The following MCIDAS variants were observed in gnomAD, a reference collection of about 807,000 sequenced individuals.
MCIDAS encodes multiciliate differentiation and DNA synthesis associated cell cycle protein.
MCIDAS carries 23 observed loss-of-function variants against 35.4 expected under a neutral mutation model. The ratio of observed to expected loss-of-function variants is 0.65; its 90% confidence interval spans 0.47 to 0.92. The LOEUF (loss-of-function observed/expected upper bound fraction) is 0.92, where lower values mean the gene tolerates loss of function less well. Among genes scored for constraint, MCIDAS ranks in the 40% least tolerant of loss-of-function variants. The probability of loss-of-function intolerance (pLI) is 0.00; values close to 1 mark genes in which losing one functional copy is unlikely to be tolerated. For synonymous variants in MCIDAS, 228 were observed against 235.2 expected, an observed-to-expected ratio of 0.97 and a Z score of 0.28; for missense variants, 480 against 531.8, an observed-to-expected ratio of 0.90 and a Z score of 0.96.
At position 55,223,253 on chromosome 5, in the gene MCIDAS, T is replaced by A. The variant is rs988346163; in HGVS notation, c.310-230A>T. Among the ~76,000 whole-genome samples, 8 of 150,614 alleles carry A rather than the reference T, an allele frequency of 5.3e-5. No individual in the cohort carries two copies. Among genetic ancestry groups the A allele is most frequent in the African/African-American group, 2.0e-4 (8 of 40,690 alleles). On this transcript the variant is annotated intron_variant, in intron 3 of 6. Transcript: ENST00000513312. The surrounding 1 kb of genome is among the most constrained non-coding windows in gnomAD (Gnocchi z 4.4). The stretch of plus-strand genomic sequence containing the variant: ...GGGCTCGGCGGCGGTCTGCTCGCAC[T>A]TACGTCGCCAGCCCAGTCTCGTACC...
chr5:55,221,213 C>A, intron 5 of MCIDAS, 87 bp from the exon 6 acceptor site: 1 of 849,090 alleles, frequency 1.2e-6, no homozygotes, highest in South Asian at 1.7e-5. Flanking sequence ...CAGATCCTGA[C>A]GTCTCATCAG....
At chr5:55,225,505 C>A (rs563714164) in intron 3 of MCIDAS, among the ~76,000 whole-genome samples, 31 of 152,330 alleles carry the variant, frequency 2.0e-4, no homozygotes, top group African/African-American at 7.5e-4. Flanking sequence ...AATTAAATGT[C>A]CTCTGCAGTG....
At chr5:55,226,220 C>T (rs1745451032) in intron 3 of MCIDAS, among the ~76,000 whole-genome samples, 1 of 152,112 alleles carries the variant, frequency 6.6e-6, no homozygotes, top group Non-Finnish European at 1.5e-5. Flanking sequence ...AGGAATGCAA[C>T]AGGTTCCCAG....
At chr5:55,222,853 T>A in intron 4 of MCIDAS, 98 bp downstream of exon 4, 3 of 1,044,012 alleles carry the variant, frequency 2.9e-6, no homozygotes, top group Non-Finnish European at 2.8e-6. Flanking sequence ...GACAGTTGGC[T>A]GGGTTTACCA....
chr5:55,224,106 C>G (rs1745413949), intron 3 of MCIDAS, among the ~76,000 whole-genome samples: 1 of 152,096 alleles, frequency 6.6e-6, no homozygotes, highest in Non-Finnish European at 1.5e-5. Context: ...GAGAGTTACC[C>G]AGTCACCCAG....
At position 55,222,250 on chromosome 5, in the gene MCIDAS, G is replaced by A. The variant is rs1180974088; in HGVS notation, c.532C>T (p.Pro178Ser). 2.0e-6 allele frequency: 3 copies of A among 1,536,016 alleles called. No individual in the cohort carries two copies. Among genetic ancestry groups the A allele is most frequent in the Non-Finnish European group, 1.7e-6 (2 of 1,146,910 alleles). The change falls in exon 5 of 7, where the codon CCT (proline) becomes TCT (serine). Residue 178 changes from proline (P) to serine (S), a missense_variant. Physicochemically the swap from Pro to Ser is moderately conservative, Grantham distance 74. Coordinates refer to ENST00000513312, the MANE Select transcript of MCIDAS (RefSeq NM_001190787.3). ...GCCACCTCCTTCCAGTATTGCTCAGGCGGGGGCACGTCTGGAGGGCGCAGC... is the reference window on the plus strand; with the variant it reads ...GCCACCTCCTTCCAGTATTGCTCAGACGGGGGCACGTCTGGAGGGCGCAGC... ...PPLRPPDVPP[P>S]EQYWKEVADQ...
At position 55,225,662 on chromosome 5, in the gene MCIDAS, TG is replaced by T. The variant is rs150195604; in HGVS notation, c.309+913del. On this transcript the variant is annotated intron_variant, in intron 3 of 6. Coordinates refer to ENST00000513312, the MANE Select transcript of MCIDAS (RefSeq NM_001190787.3). ...CACCAGCACTCCCAGTTCTGGGAGG[TG>T]GTCAATTCTTTGTAGAGTTCCATAC... 3.9e-3 allele frequency among the ~76,000 whole-genome samples: 592 copies of T among 152,066 alleles called. 4 individuals are homozygous for T. Among genetic ancestry groups the T allele is most frequent in the African/African-American group, 0.014 (567 of 41,482 alleles).
chr5:55,220,786 G>A lies in MCIDAS; in HGVS notation c.738C>T (p.Ser246=), dbSNP rs1308403025. ...GCTCGGCCGCCGCCCCACAATCCCGGGACTGTGTGATCATCAGCTTCTACG... is the reference window on the plus strand; with the variant it reads ...GCTCGGCCGCCGCCCCACAATCCCGAGACTGTGTGATCATCAGCTTCTACG... The part of the protein sequence containing the change: ...SVLDKLMITQ[S]RDCGAAAEPF... The change falls in exon 7 of 7, where the codon TCC becomes TCT. Residue 246 remains serine, a synonymous_variant. Transcript: ENST00000513312. 6.5e-7 allele frequency: 1 copy of A among 1,530,170 alleles called. No homozygotes were observed. The highest frequency in any genetic ancestry group is 8.8e-7 in the Non-Finnish European group (1 of 1,142,380). The allele number at this position is 1,530,170 out of a possible 1,614,324, so 94.8% of individuals were successfully genotyped here. A position where few individuals can be genotyped will look rare whatever the true frequency, so the allele number is the denominator to read the frequency against.
chr5:55,221,240 G>T, intron 5 of MCIDAS, 114 bp from the exon 6 acceptor site: 1 of 657,476 alleles, frequency 1.5e-6, no homozygotes, highest in South Asian at 1.9e-5. Flanking sequence ...GGGACGCACA[G>T]GCATTTACGC....
chr5:55,226,682 C>A lies in MCIDAS; in HGVS notation c.218-15G>T, dbSNP rs1006897380. ...GGTGGTGAGGGCTGCGCGGGGAGACCGGGAGACACGCGCCGGGCGGGCCCT... is the reference window on the plus strand; with the variant it reads ...GGTGGTGAGGGCTGCGCGGGGAGACAGGGAGACACGCGCCGGGCGGGCCCT... On this transcript the variant is annotated splice_polypyrimidine_tract_variant and intron_variant, in intron 2 of 6. Transcript: ENST00000513312. 2.2e-5 allele frequency: 32 copies of A among 1,477,680 alleles called. No homozygotes were observed. In the East Asian group the frequency reaches 7.0e-4, roughly 32 times the overall value. The allele number at this position is 1,477,680 out of a possible 1,614,324, so 91.5% of individuals were successfully genotyped here. A position where few individuals can be genotyped will look rare whatever the true frequency, so the allele number is the denominator to read the frequency against.
chr5:55,222,876 C>G lies in MCIDAS; in HGVS notation c.382+75G>C, dbSNP rs1422358645. The G allele has an allele frequency of 8.0e-6, 11 of 1,372,986 alleles. No individual in the cohort carries two copies. In the South Asian group the frequency reaches 1.0e-4, roughly 13 times the overall value. The allele number at this position is 1,372,986 out of a possible 1,614,324, so 85.1% of individuals were successfully genotyped here. A position where few individuals can be genotyped will look rare whatever the true frequency, so the allele number is the denominator to read the frequency against. ...GCTGGGTTTACCACCTTCACGACCACGAAATCTGAACTAGTCTGATTTGGG... is the reference window on the plus strand; with the variant it reads ...GCTGGGTTTACCACCTTCACGACCAGGAAATCTGAACTAGTCTGATTTGGG... On this transcript the variant is annotated intron_variant, in intron 4 of 6. Coordinates refer to ENST00000513312, the MANE Select transcript of MCIDAS (RefSeq NM_001190787.3).
Position 55,220,630 on chromosome 5 carries a change from G to T in MCIDAS, c.894C>A (p.Arg298=). The T allele has an allele frequency of 6.5e-7, 1 of 1,536,104 alleles. No individual in the cohort carries two copies. Among genetic ancestry groups the T allele is most frequent in the South Asian group, 1.2e-5 (1 of 84,068 alleles). ...GCAGCAGTCGGGGCCGCTTGGGATC[G>T]CGGCTCTGAAGGGCTTCATCGCAGC... The part of the protein sequence containing the change: ...SERCDEALQS[R]DPKRPRLLPE... The change falls in exon 7 of 7, where the codon CGC becomes CGA. Residue 298 remains arginine (R), a synonymous_variant. Coordinates refer to ENST00000513312, the MANE Select transcript of MCIDAS (RefSeq NM_001190787.3).
intron 4 of MCIDAS, 91 bp from the exon 5 acceptor site, chr5:55,222,490 T>C: frequency 1.9e-6 from 2 of 1,073,200 alleles, no homozygotes; most frequent in Non-Finnish European, 2.6e-6. Context: ...AGGGTGTATG[T>C]AGAGATTTTT....
chr5:55,220,800 TCAG>T lies in MCIDAS; in HGVS notation c.721_723del (p.Leu241del). On this transcript the variant is annotated inframe_deletion, in exon 7 of 7. Transcript: ENST00000513312. Reference sequence around the variant, plus strand: ...CCACAATCCCGGGACTGTGTGATCATCAGCTTCTACGAAAGACAGGGAAGAGCG... The same window carrying T: ...CCACAATCCCGGGACTGTGTGATCATCTTCTACGAAAGACAGGGAAGAGCG... The T allele has an allele frequency of 6.6e-7, 1 of 1,523,934 alleles. No individual in the cohort carries two copies. Among genetic ancestry groups the T allele is most frequent in the South Asian group, 1.2e-5 (1 of 83,752 alleles). 94.4% of individuals were successfully genotyped at this position (1,523,934 alleles called of 1,614,324 possible).
chr5:55,222,839 C>T (rs1745386697), intron 4 of MCIDAS, 112 bp downstream of exon 4: 1 of 867,118 alleles, frequency 1.2e-6, no homozygotes, highest in Non-Finnish European at 1.8e-6. Context: ...GCTGGAGAGT[C>T]GTTGACAGTT....
At position 55,222,900 on chromosome 5, in the gene MCIDAS, G is replaced by A. The variant is rs1243316117; in HGVS notation, c.382+51C>T. ...ACGAAATCTGAACTAGTCTGATTTG[G>A]GAGTGGGGGACACCCCCGCTGTTAT... On this transcript the variant is annotated intron_variant, in intron 4 of 6. Transcript: ENST00000513312. The A allele has an allele frequency of 2.7e-6, 4 of 1,475,616 alleles. No individual in the cohort carries two copies. In the South Asian group the frequency reaches 3.6e-5, roughly 13 times the overall value. The allele number at this position is 1,475,616 out of a possible 1,614,324, so 91.4% of individuals were successfully genotyped here.
Position 55,222,941 on chromosome 5 carries a change from C to T in MCIDAS, c.382+10G>A. On this transcript the variant is annotated intron_variant, in intron 4 of 6. Transcript: ENST00000513312. The stretch of plus-strand genomic sequence containing the variant: ...CCGCTGTTATTTAACTGCCAGGAGA[C>T]TGCACTTGCCTGAAATGAGATCATC... The T allele has an allele frequency of 6.5e-7, 1 of 1,535,626 alleles. No homozygotes were observed. The highest frequency in any genetic ancestry group is 1.4e-5 in the African/African-American group (1 of 73,152).
intron 4 of MCIDAS, among the ~76,000 whole-genome samples, chr5:55,222,603 T>C (rs1166674826): frequency 1.3e-5 from 2 of 152,102 alleles, no homozygotes; most frequent in Non-Finnish European, 2.9e-5. Flanking sequence ...CTGTTAAGTT[T>C]ACCTGAATTC....
rs1303027234 is a variant in MCIDAS, at chr5:55,227,038, G to C, written c.101C>G (p.Pro34Arg). The change falls in exon 1 of 7, where the codon CCG becomes CGG. Residue 34 changes from proline (P) to arginine (R), a missense_variant. By Grantham distance (103) the Pro-to-Arg change is moderately radical. Transcript: ENST00000513312. ...CCCCACCTTCCTCTCCGGCTTCCCC[G>C]GCTTGCAGAGCAGCGCCCGGCCCGG... ...ALPGRALLCK[P>R]GKPERKFAPP... The C allele has an allele frequency of 3.9e-6, 6 of 1,520,078 alleles. No homozygotes were observed. The highest frequency in any genetic ancestry group is 8.8e-7 in the Non-Finnish European group (1 of 1,140,302). 94.2% of individuals were successfully genotyped at this position (1,520,078 alleles called of 1,614,324 possible). A position where few individuals can be genotyped will look rare whatever the true frequency, so the allele number is the denominator to read the frequency against.
Sources: gnomAD v4.1 joint callset for allele counts (sites outside exome capture counted in the v4.1 genomes callset) on GRCh38, gnomAD v4.1.1 for gene constraint, Gnocchi (gnomAD v3.1) non-coding constraint, MANE v1.5 for transcripts, NCBI Gene and HGNC (gene_info 2026-07-23, HGNC 2026-07-21) for gene names.